Variants in DAB1 observed in about 807,000 individuals in gnomAD.
DAB1 encodes the protein disabled homolog 1.
In DAB1, 15 loss-of-function variants were observed where a neutral mutation model predicts 64.6. That is an observed-to-expected ratio of 0.23 (90% CI 0.16 to 0.36). DAB1 has a LOEUF of 0.36. Ranked by LOEUF, DAB1 falls within the 10% of genes least tolerant of loss-of-function variation. The probability of loss-of-function intolerance (pLI) is 1.00; values close to 1 mark genes in which losing one functional copy is unlikely to be tolerated. For missense variants in DAB1, 596 were observed against 706.7 expected, an observed-to-expected ratio of 0.84 and a Z score of 1.78; for synonymous variants, 235 against 251.9, an observed-to-expected ratio of 0.93 and a Z score of 0.64.
chr1:57,750,058 C>T (rs1214560752), intron 6 of DAB1, among the ~76,000 whole-genome samples: 3 of 152,192 alleles, frequency 2.0e-5, no homozygotes. Flanking sequence ...CATTGGTGCA[C>T]TGAGCAAGCC....
intron 5 of DAB1, among the ~76,000 whole-genome samples, chr1:57,998,182 G>A (rs1373756000): frequency 6.6e-6 from 1 of 152,094 alleles, no homozygotes; most frequent in Non-Finnish European, 1.5e-5. Flanking sequence ...GACAGTGTAG[G>A]CCCTGGAATA....
intron 5 of DAB1, among the ~76,000 whole-genome samples, chr1:57,953,109 T>G (rs2100244468): frequency 6.6e-6 from 1 of 152,322 alleles, no homozygotes; most frequent in Non-Finnish European, 1.5e-5. Context: ...ATTTATACAT[T>G]TCTATTTTTG....
intron 4 of DAB1, among the ~76,000 whole-genome samples, chr1:58,259,737 C>T (rs1415936680): frequency 6.6e-6 from 1 of 152,198 alleles, no homozygotes; most frequent in African/African-American, 2.4e-5. Context: ...TTTTGACAGA[C>T]TCTTCCAAAC....
intron 4 of DAB1, among the ~76,000 whole-genome samples, chr1:58,313,980 C>T (rs1443702536): frequency 3.3e-5 from 5 of 151,828 alleles, no homozygotes; most frequent in Admixed American, 3.3e-4. Context: ...TGGTGGGTAC[C>T]CAAGCATTCA....
chr1:57,831,442 G>A (rs1652582987), intron 1 of DAB1, among the ~76,000 whole-genome samples: 1 of 151,818 alleles, frequency 6.6e-6, no homozygotes, highest in South Asian at 2.1e-4. Context: ...ATTACTGAAA[G>A]CATGGCTAGT....
intron 1 of DAB1, among the ~76,000 whole-genome samples, chr1:57,840,006 C>T (rs1652978110): frequency 6.6e-6 from 1 of 152,144 alleles, no homozygotes; most frequent in East Asian, 1.9e-4. Context: ...CTGGAAGAGG[C>T]TAATTTCATA....
intron 4 of DAB1, among the ~76,000 whole-genome samples, chr1:58,190,852 C>T (rs564608004): frequency 6.6e-6 from 1 of 152,306 alleles, no homozygotes; most frequent in Non-Finnish European, 1.5e-5. Flanking sequence ...TTGACTATTC[C>T]AAGGCGGAGA....
intron 4 of DAB1, among the ~76,000 whole-genome samples, chr1:58,191,286 T>A (rs1553166330): frequency 6.6e-6 from 1 of 152,232 alleles, no homozygotes; most frequent in Non-Finnish European, 1.5e-5. Context: ...GTACTGTTAT[T>A]ATCCCCATTT....
intron 3 of DAB1, among the ~76,000 whole-genome samples, chr1:58,480,513 C>G (rs1015646709): frequency 5.3e-5 from 8 of 152,132 alleles, no homozygotes; most frequent in Admixed American, 3.9e-4. Context: ...CTGAGGCCCC[C>G]TTTTCCACAT....
At position 57,216,802 on chromosome 1, in the gene DAB1, T is replaced by C. The variant is rs183859667; in HGVS notation, c.68-71373A>G. 7.5e-4 allele frequency among the ~76,000 whole-genome samples: 115 copies of C among 152,324 alleles called. 1 individual carries two copies. The highest frequency in any genetic ancestry group is 1.4e-3 in the Non-Finnish European group (98 of 68,024). On this transcript the variant is annotated intron_variant, in intron 2 of 14. Coordinates refer to ENST00000371236, the MANE Select transcript of DAB1 (RefSeq NM_001365792.1). The stretch of plus-strand genomic sequence containing the variant: ...TGTCATTTTTACAGACAACAGAACT[T>C]GGAAGCAGCAAGATTCTAGAAACTG...
intron 7 of DAB1, among the ~76,000 whole-genome samples, chr1:57,472,806 C>T (rs754894551): frequency 2.0e-5 from 3 of 152,116 alleles, no homozygotes; most frequent in Non-Finnish European, 4.4e-5. Flanking sequence ...GTCTGCAGCT[C>T]GTCCTGCTAC....
intron 4 of DAB1, among the ~76,000 whole-genome samples, chr1:58,274,743 T>C (rs975981791): frequency 6.6e-6 from 1 of 152,156 alleles, no homozygotes; most frequent in Non-Finnish European, 1.5e-5. Flanking sequence ...AAAAGCGCAA[T>C]ATTCGGGTGG....
intron 7 of DAB1, among the ~76,000 whole-genome samples, chr1:57,432,406 A>G (rs1309586520): frequency 6.6e-6 from 1 of 152,044 alleles, no homozygotes; most frequent in Non-Finnish European, 1.5e-5. Flanking sequence ...AGTGCAACAC[A>G]CTTCTTAACT....
chr1:57,777,090 CT>C (rs796627429), intron 6 of DAB1, among the ~76,000 whole-genome samples: 1,565 of 111,370 alleles, frequency 0.014, 19 homozygotes, highest in African/African-American at 0.047. Context: ...AGGTTGACAG[CT>C]TTTTTTTTTT....
At position 56,997,524 on chromosome 1, in the gene DAB1, G is replaced by T. The variant is rs1645674555; in HGVS notation, c.*620C>A. 6.6e-6 allele frequency: 1 copy of T among 151,522 alleles called. No individual in the cohort carries two copies. The highest frequency in any genetic ancestry group is 2.4e-5 in the African/African-American group (1 of 41,134). 9.4% of individuals were successfully genotyped at this position (151,522 alleles called of 1,614,324 possible). ...CACCCATATCTAAAAAAAGTCAAAAGCAATACAAAAATTTGTACACCTATT... is the reference window on the plus strand; with the variant it reads ...CACCCATATCTAAAAAAAGTCAAAATCAATACAAAAATTTGTACACCTATT... On this transcript the variant is annotated 3_prime_UTR_variant, in exon 15 of 15. Transcript: ENST00000371236.
At chr1:58,115,148 AC>A (rs1380119492) in intron 5 of DAB1, among the ~76,000 whole-genome samples, 2 of 129,856 alleles carry the variant, frequency 1.5e-5, no homozygotes, top group East Asian at 2.3e-4. Context: ...CAACAAAAAA[AC>A]AAACAACCCC....
chr1:57,320,902 G>A (rs1426124274), intron 1 of DAB1, among the ~76,000 whole-genome samples: 1 of 152,116 alleles, frequency 6.6e-6, no homozygotes, highest in African/African-American at 2.4e-5. Context: ...TGATGAAGCC[G>A]AAATTTAAAT....
intron 1 of DAB1, among the ~76,000 whole-genome samples, chr1:57,416,398 G>GTAC (rs1684497956): frequency 6.6e-6 from 1 of 152,126 alleles, no homozygotes; most frequent in Non-Finnish European, 1.5e-5. Flanking sequence ...TCATGTCAGG[G>GTAC]TACTGAGTAA....
At chr1:57,579,960 A>C (rs1212679664) in intron 7 of DAB1, among the ~76,000 whole-genome samples, 1 of 152,136 alleles carries the variant, frequency 6.6e-6, no homozygotes, top group Non-Finnish European at 1.5e-5. Context: ...GGTCACAGAG[A>C]GAGTGAGAGG....
Sources: gnomAD v4.1 joint callset for allele counts (sites outside exome capture counted in the v4.1 genomes callset) on GRCh38, gnomAD v4.1.1 for gene constraint, MANE v1.5 for transcripts, NCBI Gene and HGNC (gene_info 2026-07-23, HGNC 2026-07-21) for gene names.